The following SLC10A7 variants were observed in gnomAD, a reference collection of about 807,000 sequenced individuals.
SLC10A7 encodes sodium/bile acid cotransporter 7.
SLC10A7 carries 29 observed loss-of-function variants against 43.2 expected under a neutral mutation model. The observed-to-expected ratio is 0.67, with a 90% CI of 0.50 to 0.92. SLC10A7 has a LOEUF of 0.92. Among genes scored for constraint, SLC10A7 ranks in the 40% least tolerant of loss-of-function variants. The probability of loss-of-function intolerance (pLI) is 0.00; values close to 1 mark genes in which losing one functional copy is unlikely to be tolerated. For missense variants in SLC10A7, 295 were observed against 403.2 expected, an observed-to-expected ratio of 0.73 and a Z score of 2.30; for synonymous variants, 152 against 144.8, an observed-to-expected ratio of 1.05 and a Z score of -0.35.
At chr4:146,302,238 T>G (rs79436331) in intron 7 of SLC10A7, among the ~76,000 whole-genome samples, 1 of 152,340 alleles carries the variant, frequency 6.6e-6, no homozygotes, top group African/African-American at 2.4e-5. Flanking sequence ...ACTAATATAA[T>G]CCACAGTTTA....
chr4:146,354,389 G>A (rs2149751170), intron 5 of SLC10A7, among the ~76,000 whole-genome samples: 1 of 152,070 alleles, frequency 6.6e-6, no homozygotes, highest in Middle Eastern at 3.4e-3. Context: ...AAATAAAAGA[G>A]GACACAAACA....
intron 4 of SLC10A7, among the ~76,000 whole-genome samples, chr4:146,474,513 T>C (rs1034207657): frequency 3.9e-5 from 6 of 152,264 alleles, no homozygotes; most frequent in South Asian, 4.1e-4. Context: ...ATTTCCACTC[T>C]AGGGTAAACA....
intron 6 of SLC10A7, among the ~76,000 whole-genome samples, chr4:146,319,846 T>C (rs1732576865): frequency 6.6e-6 from 1 of 152,028 alleles, no homozygotes; most frequent in African/African-American, 2.4e-5. Context: ...AATATCTGTA[T>C]GAATCATATC....
At chr4:146,350,502 G>T (rs1484539635) in intron 5 of SLC10A7, among the ~76,000 whole-genome samples, 14 of 142,978 alleles carry the variant, frequency 9.8e-5, no homozygotes, top group Admixed American at 5.5e-4. Context: ...CAAAGCAGCC[G>T]GGAAGCTCGA....
chr4:146,477,528 GC>G (rs1734132993), intron 4 of SLC10A7, among the ~76,000 whole-genome samples: 1 of 152,178 alleles, frequency 6.6e-6, no homozygotes, highest in Non-Finnish European at 1.5e-5. Flanking sequence ...AATAGCAAAT[GC>G]ATTTGTATTT....
At chr4:146,469,501 A>T (rs899133244) in intron 4 of SLC10A7, among the ~76,000 whole-genome samples, 2 of 152,206 alleles carry the variant, frequency 1.3e-5, no homozygotes, top group African/African-American at 4.8e-5. Context: ...ATTATTCAGT[A>T]AACAGACATG....
rs371667248 is a variant in SLC10A7 at position 146,270,981 on chromosome 4, C to T, written c.848-12144G>A. On this transcript the variant is annotated intron_variant, in intron 10 of 11. Transcript: ENST00000335472. ...AACCTTGTGGGATAGGAGAAGAATA[C>T]GGGCTTGCAAGTTTGGGTGTCTATA... 7.9e-5 allele frequency among the ~76,000 whole-genome samples: 12 copies of T among 152,246 alleles called. No individual in the cohort carries two copies. The East Asian group carries it at 1.7e-3, about 22-fold the overall frequency.
chr4:146,287,132 C>T (rs1364293656), intron 9 of SLC10A7, among the ~76,000 whole-genome samples: 10 of 123,732 alleles, frequency 8.1e-5, no homozygotes, highest in South Asian at 2.8e-4. Context: ...AGGACCGTGT[C>T]TGGAGTGGTG....
chr4:146,362,211 T>C (rs1736094352), intron 5 of SLC10A7, among the ~76,000 whole-genome samples: 1 of 152,008 alleles, frequency 6.6e-6, no homozygotes, highest in African/African-American at 2.4e-5. Flanking sequence ...AACTTTCCAA[T>C]TCTAGAGAGA....
intron 5 of SLC10A7, among the ~76,000 whole-genome samples, chr4:146,383,452 T>C (rs1737776436): frequency 6.6e-6 from 1 of 152,176 alleles, no homozygotes; most frequent in Non-Finnish European, 1.5e-5. Flanking sequence ...CCTCTTCATT[T>C]GCATAGAGCA....
At chr4:146,482,905 A>G (rs1239823228) in intron 4 of SLC10A7, among the ~76,000 whole-genome samples, 2 of 152,154 alleles carry the variant, frequency 1.3e-5, no homozygotes, top group Non-Finnish European at 2.9e-5. Context: ...CTCAGGAAAA[A>G]TCTTATAGGC....
chr4:146,357,610 T>C (rs927935364), intron 5 of SLC10A7, among the ~76,000 whole-genome samples: 2 of 152,182 alleles, frequency 1.3e-5, no homozygotes, highest in African/African-American at 4.8e-5. Context: ...ACGTGAAAGG[T>C]AGAAGTAAGA....
chr4:146,268,713 G>C (rs1193387534), intron 10 of SLC10A7, among the ~76,000 whole-genome samples: 1 of 152,158 alleles, frequency 6.6e-6, no homozygotes, highest in Non-Finnish European at 1.5e-5. Context: ...TGAGGCAGCA[G>C]GTAAATAGAA....
At position 146,292,779 on chromosome 4, in the gene SLC10A7, G is replaced by A. The variant is rs976558626; in HGVS notation, c.773+150C>T. 5.4e-6 allele frequency: 3 copies of A among 558,352 alleles called. No individual in the cohort carries two copies. The African/African-American group carries it at 5.9e-5, about 11-fold the overall frequency. 34.6% of individuals were successfully genotyped at this position (558,352 alleles called of 1,614,324 possible). A position where few individuals can be genotyped will look rare whatever the true frequency, so the allele number is the denominator to read the frequency against. On this transcript the variant is annotated intron_variant, in intron 9 of 11. Coordinates refer to ENST00000335472, the MANE Select transcript of SLC10A7 (RefSeq NM_001029998.6). ...TTGTAATGTCTACAATTTGAAGGTG[G>A]CAGAAGGGAGGCAGAATGGTCAGGG...
chr4:146,391,016 A>G (rs1738389241), intron 5 of SLC10A7, among the ~76,000 whole-genome samples: 1 of 152,216 alleles, frequency 6.6e-6, no homozygotes, highest in South Asian at 2.1e-4. Context: ...GAAGCTGGAA[A>G]GGACACTATC....
chr4:146,326,202 A>G (rs1313460850), intron 5 of SLC10A7, among the ~76,000 whole-genome samples: 1 of 152,226 alleles, frequency 6.6e-6, no homozygotes, highest in East Asian at 1.9e-4. Context: ...TGGCAGCCTG[A>G]AAGCACAACC....
intron 5 of SLC10A7, among the ~76,000 whole-genome samples, chr4:146,356,665 A>G (rs796722616): frequency 3.8e-5 from 5 of 131,232 alleles, no homozygotes; most frequent in African/African-American, 1.7e-4. Context: ...TTGATATTAT[A>G]CTTATTTGCT....
At chr4:146,305,228 T>C (rs560828114) in intron 7 of SLC10A7, among the ~76,000 whole-genome samples, 2 of 151,026 alleles carry the variant, frequency 1.3e-5, no homozygotes, top group South Asian at 4.2e-4. Flanking sequence ...ATATACACCA[T>C]GGAATACTAT....
intron 10 of SLC10A7, among the ~76,000 whole-genome samples, chr4:146,282,854 G>A (rs1729635080): frequency 6.6e-6 from 1 of 152,094 alleles, no homozygotes; most frequent in Admixed American, 6.5e-5. Flanking sequence ...GCCTGCCAAA[G>A]CAATGTTTTT....
Sources: allele counts gnomAD v4.1 joint callset (sites outside exome capture counted in the v4.1 genomes callset), GRCh38; gene constraint gnomAD v4.1.1; transcripts MANE v1.5; gene names NCBI Gene and HGNC (gene_info 2026-07-23, HGNC 2026-07-21).